Variants in EPB41L4A observed in about 807,000 individuals in gnomAD.
EPB41L4A encodes the protein erythrocyte membrane protein band 4.1 like 4A.
Under a neutral mutation model 108.6 loss-of-function variants are expected in EPB41L4A, and 100 were observed. The observed-to-expected ratio is 0.92, with a 90% CI of 0.78 to 1.09. EPB41L4A has a LOEUF of 1.09. Among genes scored for constraint, EPB41L4A ranks in the 50% least tolerant of loss-of-function variants. The pLI is 0.00. For missense variants in EPB41L4A, 1,030 were observed against 842.7 expected (o/e 1.22, Z -2.75); for synonymous variants, 319 against 289.0 (o/e 1.10, Z -1.05).
At chr5:112,280,718 C>T (rs1752916351) in intron 2 of EPB41L4A, among the ~76,000 whole-genome samples, 2 of 152,136 alleles carry the variant, frequency 1.3e-5, no homozygotes, top group African/African-American at 4.8e-5. Flanking sequence ...CTTGCTGGGT[C>T]CCTGGTTGAA....
At chr5:112,318,698 G>T (rs1336853894) in intron 1 of EPB41L4A, among the ~76,000 whole-genome samples, 1 of 152,142 alleles carries the variant, frequency 6.6e-6, no homozygotes, top group African/African-American at 2.4e-5. Context: ...ACTAAATGTT[G>T]GGTAGTTTGT....
intron 17 of EPB41L4A, among the ~76,000 whole-genome samples, chr5:112,184,675 C>G (rs953832134): frequency 2.0e-5 from 3 of 152,144 alleles, no homozygotes; most frequent in African/African-American, 7.2e-5. Context: ...GAATAAGACA[C>G]ACCATTCCCA....
intron 9 of EPB41L4A, among the ~76,000 whole-genome samples, chr5:112,256,188 C>T (rs1444484467): frequency 2.0e-5 from 3 of 152,162 alleles, no homozygotes; most frequent in African/African-American, 4.8e-5. Context: ...TGAAAATCAA[C>T]CATCTGATAA....
chr5:112,394,594 C>T lies in EPB41L4A; in HGVS notation c.99+24347G>A, dbSNP rs575131279. ...CACTGCTCAATGAAATAAAAGAGGA[C>T]ACAAACAAATGGAAGAACATTCCAT... On this transcript the variant is annotated intron_variant, in intron 1 of 22. Transcript: ENST00000261486. 7.4e-3 allele frequency among the ~76,000 whole-genome samples: 1,120 copies of T among 152,152 alleles called. 15 individuals are homozygous for T. Among genetic ancestry groups the T allele is most frequent in the African/African-American group, 0.025 (1,021 of 41,496 alleles).
chr5:112,142,378 A>C (rs937261559), downstream of EPB41L4A: 3 of 152,200 alleles, frequency 2.0e-5, no homozygotes, highest in Non-Finnish European at 4.4e-5. Context: ...AGGTACTGCA[A>C]GTTATTTTAG....
At chr5:112,367,682 T>C (rs899040988) in intron 1 of EPB41L4A, among the ~76,000 whole-genome samples, 2 of 152,246 alleles carry the variant, frequency 1.3e-5, no homozygotes, top group African/African-American at 4.8e-5. Context: ...CAACATGCTG[T>C]GCGCAAACGC....
rs1161586998 is a variant in EPB41L4A, at chr5:112,399,030, C to T, written c.99+19911G>A. ...AAGAGGTATTCATCCAGTAAATGTA[C>T]ACTGTGAGACCAACGTGCGGAGCGG... On this transcript the variant is annotated intron_variant, in intron 1 of 22. Coordinates refer to ENST00000261486, the MANE Select transcript of EPB41L4A (RefSeq NM_022140.5). Among the ~76,000 whole-genome samples the T allele has an allele frequency of 2.6e-5, 4 of 151,918 alleles. No individual in the cohort carries two copies. The South Asian group carries it at 6.2e-4, about 24-fold the overall frequency.
chr5:112,202,684 C>A (rs1287631958), intron 15 of EPB41L4A, among the ~76,000 whole-genome samples: 3 of 152,222 alleles, frequency 2.0e-5, no homozygotes, highest in South Asian at 2.1e-4. Flanking sequence ...CCCTTCTCTT[C>A]TTAACCATCA....
intron 12 of EPB41L4A, among the ~76,000 whole-genome samples, chr5:112,231,296 G>A (rs915296201): frequency 1.3e-5 from 2 of 152,182 alleles, no homozygotes; most frequent in African/African-American, 4.8e-5. Flanking sequence ...GAAAACCCAT[G>A]ATTGTACCAC....
chr5:112,276,942 A>T (rs1019580475), intron 3 of EPB41L4A, among the ~76,000 whole-genome samples: 7 of 152,226 alleles, frequency 4.6e-5, no homozygotes, highest in Non-Finnish European at 8.8e-5. Flanking sequence ...ACTTTAAAAG[A>T]AACTGCTAGA....
chr5:112,160,487 T>C (rs1759820694), downstream of EPB41L4A: 1 of 152,260 alleles, frequency 6.6e-6, no homozygotes, highest in African/African-American at 2.4e-5. Flanking sequence ...ATCTTTCGAA[T>C]GAATGACTCT....
intron 1 of EPB41L4A, among the ~76,000 whole-genome samples, chr5:112,323,603 G>C (rs1223763217): frequency 6.6e-6 from 1 of 152,102 alleles, no homozygotes; most frequent in South Asian, 2.1e-4. Flanking sequence ...TATCAAAAAC[G>C]TTGTCTAATT....
chr5:112,158,758 G>A (rs145020882), downstream of EPB41L4A, among the ~76,000 whole-genome samples: 20 of 152,200 alleles, frequency 1.3e-4, no homozygotes, highest in Non-Finnish European at 2.6e-4. Context: ...TCACCATCAC[G>A]AAAATAGCAT....
intron 15 of EPB41L4A, among the ~76,000 whole-genome samples, chr5:112,201,294 T>A (rs1762207579): frequency 6.6e-6 from 1 of 152,180 alleles, no homozygotes; most frequent in Non-Finnish European, 1.5e-5. Context: ...CCAGCAAATT[T>A]AAATAGCCTT....
intron 15 of EPB41L4A, among the ~76,000 whole-genome samples, chr5:112,198,884 T>C (rs1762089726): frequency 1.3e-5 from 2 of 152,190 alleles, no homozygotes; most frequent in Non-Finnish European, 2.9e-5. Context: ...TTATTTCTTA[T>C]ATTGTCTGTT....
chr5:112,346,560 G>A (rs1363124317), intron 1 of EPB41L4A, among the ~76,000 whole-genome samples: 1 of 152,004 alleles, frequency 6.6e-6, no homozygotes, highest in Non-Finnish European at 1.5e-5. Flanking sequence ...AAAAGTGAAA[G>A]AACTAATAAA....
chr5:112,263,064 C>T (rs762775274), intron 6 of EPB41L4A, among the ~76,000 whole-genome samples: 6 of 152,168 alleles, frequency 3.9e-5, no homozygotes, highest in Non-Finnish European at 8.8e-5. Context: ...TTTGAAAATA[C>T]ATTGATTAAC....
At chr5:112,256,918 GT>G (rs1045888707) in intron 9 of EPB41L4A, 2 of 152,158 alleles carry the variant, frequency 1.3e-5, no homozygotes, top group African/African-American at 4.8e-5. Context: ...TAAAAGTTTA[GT>G]TTTTTGTAAA....
chr5:112,379,305 T>G (rs1004632342), intron 1 of EPB41L4A, among the ~76,000 whole-genome samples: 1 of 152,208 alleles, frequency 6.6e-6, no homozygotes, highest in African/African-American at 2.4e-5. Context: ...TTTCCCCACA[T>G]AGGCTGAACA....
Sources: allele counts gnomAD v4.1 joint callset (sites outside exome capture counted in the v4.1 genomes callset), GRCh38; gene constraint gnomAD v4.1.1; transcripts MANE v1.5; gene names NCBI Gene and HGNC (gene_info 2026-07-23, HGNC 2026-07-21).